Variants in RBM46 observed in about 807,000 individuals in gnomAD.
RBM46 encodes RNA binding motif protein 46, also known as probable RNA-binding protein 46.
Under a neutral mutation model 43.3 loss-of-function variants are expected in RBM46, and 12 were observed. The ratio of observed to expected loss-of-function variants is 0.28; its 90% CI spans 0.18 to 0.45. The LOEUF (loss-of-function observed/expected upper bound fraction) is 0.45, where lower values mean the gene tolerates loss of function less well. RBM46 is among the 20% of genes least tolerant of loss of function. The probability of loss-of-function intolerance (pLI) is 1.00; values close to 1 mark genes in which losing one functional copy is unlikely to be tolerated. For synonymous variants in RBM46, 205 were observed against 207.6 expected, an observed-to-expected ratio of 0.99 and a Z score of 0.11; for missense variants, 412 against 639.1, an observed-to-expected ratio of 0.64 and a Z score of 3.83.
chr4:154,804,777 T>G (rs953264336), intron 4 of RBM46, among the ~76,000 whole-genome samples: 3 of 151,954 alleles, frequency 2.0e-5, no homozygotes, highest in Admixed American at 6.6e-5. Flanking sequence ...TTCATCAGAT[T>G]TGTGTACTGT....
intron 4 of RBM46, among the ~76,000 whole-genome samples, chr4:154,826,494 G>T (rs960293801): frequency 1.3e-5 from 2 of 152,094 alleles, no homozygotes; most frequent in East Asian, 3.9e-4. Flanking sequence ...TAAATAAATT[G>T]TATGGTACGT....
chr4:154,791,095 A>G (rs899865969), intron 1 of RBM46, among the ~76,000 whole-genome samples: 31 of 152,330 alleles, frequency 2.0e-4, no homozygotes, highest in African/African-American at 7.5e-4. Context: ...GTTAAGTAGC[A>G]TTTTCCCATG....
intron 4 of RBM46, among the ~76,000 whole-genome samples, chr4:154,818,712 A>T (rs758583232): frequency 1.5e-4 from 23 of 152,150 alleles, no homozygotes; most frequent in Non-Finnish European, 2.9e-4. Flanking sequence ...AGCTACACAT[A>T]TGTTAAACCT....
intron 1 of RBM46, among the ~76,000 whole-genome samples, chr4:154,790,118 C>T (rs1162284814): frequency 3.9e-5 from 6 of 152,158 alleles, no homozygotes; most frequent in Non-Finnish European, 8.8e-5. Context: ...TTTCAAAAAA[C>T]CAGCTCCTGG....
intron 4 of RBM46, among the ~76,000 whole-genome samples, chr4:154,826,045 A>G (rs1735941835): frequency 6.6e-6 from 1 of 152,168 alleles, no homozygotes; most frequent in African/African-American, 2.4e-5. Context: ...TCAGAAGGAA[A>G]GAATCAGACT....
intron 4 of RBM46, among the ~76,000 whole-genome samples, chr4:154,814,734 A>G (rs754164068): frequency 1.3e-5 from 2 of 151,948 alleles, no homozygotes; most frequent in African/African-American, 4.8e-5. Flanking sequence ...TGAATCACAT[A>G]TGCTCTATTT....
chr4:154,790,607 G>A (rs1734036546), intron 1 of RBM46: 1 of 152,180 alleles, frequency 6.6e-6, no homozygotes, highest in Non-Finnish European at 1.5e-5. Context: ...TTGATGGGTA[G>A]ATATTCTATG....
chr4:154,787,727 T>A (rs1408532459), intron 1 of RBM46, among the ~76,000 whole-genome samples: 2 of 152,146 alleles, frequency 1.3e-5, no homozygotes, highest in East Asian at 1.9e-4. Flanking sequence ...TCAAATGGTA[T>A]TTCTAGTTCT....
chr4:154,801,160 G>C (rs1198162287), intron 4 of RBM46, among the ~76,000 whole-genome samples: 7 of 152,034 alleles, frequency 4.6e-5, no homozygotes. Context: ...TGTATTTTAA[G>C]TAGAGACAGG....
chr4:154,814,703 A>G (rs1031326159), intron 4 of RBM46, among the ~76,000 whole-genome samples: 9 of 152,020 alleles, frequency 5.9e-5, no homozygotes, highest in African/African-American at 1.9e-4. Flanking sequence ...ATTGAAAATC[A>G]TTATAGTTTT....
In RBM46 at chr4:154,799,437, C is replaced by A; in HGVS notation, c.1275C>A (p.Leu425=). 1 of 1,614,038 alleles carries A rather than the reference C, an allele frequency of 6.2e-7. No homozygotes were observed. The highest frequency in any genetic ancestry group is 8.5e-7 in the Non-Finnish European group (1 of 1,179,968). ...YSTTSQDGKV[L]LVYKIVIPAI... ...CAACAAGTCAAGATGGGAAAGTACT[C>A]TTGGTGTATAAGATAGTTATTCCTG... The change falls in exon 4 of 5, where the codon CTC becomes CTA. Residue 425 remains leucine (L), a synonymous_variant. Transcript: ENST00000281722.
At chr4:154,786,944 A>G (rs1733803632) in intron 1 of RBM46, among the ~76,000 whole-genome samples, 1 of 152,090 alleles carries the variant, frequency 6.6e-6, no homozygotes, top group Non-Finnish European at 1.5e-5. Flanking sequence ...AAAAACAATA[A>G]CTGTGTGAGG....
intron 4 of RBM46, among the ~76,000 whole-genome samples, chr4:154,826,146 T>C (rs1735946901): frequency 7.4e-6 from 1 of 134,974 alleles, no homozygotes. Context: ...AAGTGGATCC[T>C]TTTAAAAAAA....
intron 1 of RBM46, among the ~76,000 whole-genome samples, chr4:154,796,170 A>G (rs1167945648): frequency 6.6e-6 from 1 of 152,216 alleles, no homozygotes; most frequent in Non-Finnish European, 1.5e-5. Context: ...CTGTCTCAAA[A>G]AATGAAATAA....
At chr4:154,826,754 T>G in intron 4 of RBM46, 1 of 1,412,414 alleles carries the variant, frequency 7.1e-7, no homozygotes, top group Non-Finnish European at 9.5e-7. Context: ...TTTTTTTTTT[T>G]TTTCCTGAAC....
At chr4:154,814,150 T>C (rs571171146) in intron 4 of RBM46, among the ~76,000 whole-genome samples, 2 of 151,998 alleles carry the variant, frequency 1.3e-5, no homozygotes, top group African/African-American at 4.8e-5. Flanking sequence ...GCATAACTTA[T>C]AGAAAACTAA....
intron 4 of RBM46, among the ~76,000 whole-genome samples, chr4:154,810,603 T>C (rs1735128674): frequency 6.6e-6 from 1 of 152,184 alleles, no homozygotes; most frequent in African/African-American, 2.4e-5. Flanking sequence ...AGGTAGATTA[T>C]GGCTTAATAT....
intron 4 of RBM46, among the ~76,000 whole-genome samples, chr4:154,817,834 C>CT (rs151092903): frequency 6.6e-6 from 1 of 151,430 alleles, no homozygotes; most frequent in East Asian, 1.9e-4. Flanking sequence ...CATTTCTTGC[C>CT]TTTTTTTTAT....
At chr4:154,825,598 G>A (rs2075287353) in intron 4 of RBM46, among the ~76,000 whole-genome samples, 1 of 152,034 alleles carries the variant, frequency 6.6e-6, no homozygotes, top group Admixed American at 6.5e-5. Context: ...TTTTAATTTT[G>A]TATTTAATTT....
Sources: gnomAD v4.1 joint callset for allele counts (sites outside exome capture counted in the v4.1 genomes callset) on GRCh38, gnomAD v4.1.1 for gene constraint, MANE v1.5 for transcripts, NCBI Gene and HGNC (gene_info 2026-07-23, HGNC 2026-07-21) for gene names.